Variants in PCDHGA7 observed in about 807,000 individuals in gnomAD.
The protein encoded by PCDHGA7 is protocadherin gamma subfamily A, 7.
Under a neutral mutation model 58.3 loss-of-function variants are expected in PCDHGA7, and 44 were observed. The observed-to-expected ratio is 0.75, with a 90% CI of 0.59 to 0.97. The LOEUF is 0.97. Ranked by LOEUF, PCDHGA7 falls within the 50% of genes least tolerant of loss-of-function variation. PCDHGA7 has a pLI of 0.00. For synonymous variants in PCDHGA7, 516 were observed against 504.2 expected, an observed-to-expected ratio of 1.02 and a Z score of -0.31; for missense variants, 1,266 against 1,188.7, an observed-to-expected ratio of 1.06 and a Z score of -0.96.
intron 1 of PCDHGA7, chr5:141,421,221 G>A (rs746753262): frequency 6.3e-7 from 1 of 1,576,508 alleles, no homozygotes; most frequent in Non-Finnish European, 8.6e-7. Context: ...TCGGCTTAGA[G>A]CCTGCCATGG....
At chr5:141,386,290 A>T (rs2090519757) in intron 1 of PCDHGA7, among the ~76,000 whole-genome samples, 1 of 152,214 alleles carries the variant, frequency 6.6e-6, no homozygotes, top group African/African-American at 2.4e-5. Flanking sequence ...TTTGTATAAC[A>T]TTTTAGTAAA....
chr5:141,424,084 A>G, intron 1 of PCDHGA7: 1 of 929,764 alleles, frequency 1.1e-6, no homozygotes, highest in Non-Finnish European at 1.3e-6. Context: ...ATATTCCACC[A>G]TTATTTGCTA....
chr5:141,416,759 C>T (rs1045872662), intron 1 of PCDHGA7: 2 of 152,130 alleles, frequency 1.3e-5, no homozygotes, highest in African/African-American at 4.8e-5. Flanking sequence ...TTAGGTAGAT[C>T]TCTTAATTTT....
At chr5:141,494,729 C>A in intron 1 of PCDHGA7, 78 bp from the exon 2 acceptor site, 1 of 1,610,166 alleles carries the variant, frequency 6.2e-7, no homozygotes. Context: ...CCTTCTCTCC[C>A]GGCCCATCCC....
chr5:141,394,312 C>G (rs903124736), intron 1 of PCDHGA7: 3 of 1,613,908 alleles, frequency 1.9e-6, no homozygotes, highest in African/African-American at 1.3e-5. Context: ...CAGGGGGCGC[C>G]CCTGTCCTCG....
At chr5:141,425,379 G>A (rs1330938768) in intron 1 of PCDHGA7, among the ~76,000 whole-genome samples, 7 of 152,152 alleles carry the variant, frequency 4.6e-5, no homozygotes, top group African/African-American at 4.8e-5. Context: ...ATGTTGATTC[G>A]GAGGTAGTGA....
At position 141,433,110 on chromosome 5, in the gene PCDHGA7, G is replaced by A. The variant is rs1031253372; in HGVS notation, c.2424+47787G>A. On this transcript the variant is annotated intron_variant, in intron 1 of 3. Coordinates refer to ENST00000518325, the MANE Select transcript of PCDHGA7 (RefSeq NM_018920.4). Reference sequence around the variant, plus strand: ...GCAGACATGCTCGTCAGCCAGGAGAGCTTTGAAAAAAGCGAGCCCCTTTTG... The same window carrying A: ...GCAGACATGCTCGTCAGCCAGGAGAACTTTGAAAAAAGCGAGCCCCTTTTG... 3.1e-6 allele frequency: 5 copies of A among 1,613,982 alleles called. No homozygotes were observed. The African/African-American group carries it at 5.3e-5, about 17-fold the overall frequency.
At chr5:141,388,877 G>A in intron 1 of PCDHGA7, 1 of 1,613,936 alleles carries the variant, frequency 6.2e-7, no homozygotes, top group Non-Finnish European at 8.5e-7. Flanking sequence ...AATGCACAGT[G>A]GAGGTAGAAG....
At position 141,402,911 on chromosome 5, in the gene PCDHGA7, C is replaced by CT. The variant is rs2094320554; in HGVS notation, c.2424+17588_2424+17589insT. 6 of 1,551,858 alleles carry CT rather than the reference C, an allele frequency of 3.9e-6. No homozygotes were observed. In the African/African-American group the frequency reaches 8.2e-5, roughly 21 times the overall value. ...GAAGAAAGAACCTGATGAAGCAGCG[C>CT]GCACAGAGATCCTTTTGAGAAAATT... On this transcript the variant is annotated intron_variant, in intron 1 of 3. Coordinates refer to ENST00000518325, the MANE Select transcript of PCDHGA7 (RefSeq NM_018920.4).
intron 1 of PCDHGA7, among the ~76,000 whole-genome samples, chr5:141,453,288 ATTATTTAT>A (rs577328880): frequency 6.6e-6 from 1 of 151,342 alleles, no homozygotes; most frequent in Non-Finnish European, 1.5e-5. Context: ...TAATTTTTTA[ATTATTTAT>A]TTATTTATTT....
intron 1 of PCDHGA7, chr5:141,394,121 T>G: frequency 6.2e-7 from 1 of 1,613,920 alleles, no homozygotes; most frequent in Non-Finnish European, 8.5e-7. Flanking sequence ...CCACTGAAAC[T>G]CAAATCGCTC....
intron 2 of PCDHGA7, among the ~76,000 whole-genome samples, chr5:141,501,279 A>T (rs1180397181): frequency 3.0e-5 from 4 of 135,444 alleles, no homozygotes. Context: ...AGTCTATGGG[A>T]TATTCCCTTA....
At chr5:141,495,652 T>C (rs1403816239) in intron 2 of PCDHGA7, among the ~76,000 whole-genome samples, 2 of 152,336 alleles carry the variant, frequency 1.3e-5, no homozygotes, top group Admixed American at 6.5e-5. Context: ...CTACTTGCAT[T>C]GATCTGTGCC....
intron 1 of PCDHGA7, chr5:141,418,256 T>C: frequency 1.2e-6 from 2 of 1,614,046 alleles, no homozygotes; most frequent in Non-Finnish European, 1.7e-6. Context: ...CGCCCCTCAA[T>C]TCCGGAAAGA....
chr5:141,385,979 A>T (rs1561609878), intron 1 of PCDHGA7: 1 of 152,222 alleles, frequency 6.6e-6, no homozygotes, highest in South Asian at 2.1e-4. Flanking sequence ...AAAACCAATA[A>T]AATATGTCAA....
In PCDHGA7 at chr5:141,449,878, A is replaced by G. The variant is rs536474516; in HGVS notation, c.2425-44929A>G. On this transcript the variant is annotated intron_variant, in intron 1 of 3. Transcript: ENST00000518325. ...ATAAAAATCAGAAAATTTAACATCA[A>G]TGCAATATAATTATTTAGCCTATAG... 6.6e-4 allele frequency among the ~76,000 whole-genome samples: 100 copies of G among 152,050 alleles called. 1 individual carries two copies. The highest frequency in any genetic ancestry group is 2.4e-3 in the African/African-American group (99 of 41,574).
chr5:141,411,544 AC>A (rs2095497010), intron 1 of PCDHGA7: 1 of 152,298 alleles, frequency 6.6e-6, no homozygotes. Context: ...TGATCTTGCC[AC>A]TGCACTCCAG....
intron 2 of PCDHGA7, among the ~76,000 whole-genome samples, chr5:141,504,354 G>C (rs1349256606): frequency 6.6e-6 from 1 of 152,100 alleles, no homozygotes; most frequent in Non-Finnish European, 1.5e-5. Flanking sequence ...TGTGCTAGGT[G>C]CTTCAGTAGG....
chr5:141,484,236 G>C (rs1272971014), intron 1 of PCDHGA7, among the ~76,000 whole-genome samples: 2 of 152,132 alleles, frequency 1.3e-5, no homozygotes, highest in Non-Finnish European at 2.9e-5. Context: ...AAGAGATCTG[G>C]TCCTTAGCAC....
Sources: gnomAD v4.1 joint callset for allele counts (sites outside exome capture counted in the v4.1 genomes callset) on GRCh38, gnomAD v4.1.1 for gene constraint, MANE v1.5 for transcripts, NCBI Gene and HGNC (gene_info 2026-07-23, HGNC 2026-07-21) for gene names.